The following ACTN4 variants were observed in gnomAD, a reference collection of about 807,000 sequenced individuals.
ACTN4 encodes the protein alpha-actinin-4.
Under a neutral mutation model 114.2 loss-of-function variants are expected in ACTN4, and 18 were observed. The observed-to-expected ratio is 0.16, with a 90% CI of 0.11 to 0.23. ACTN4 has a LOEUF of 0.23. ACTN4 is among the 10% of genes least tolerant of loss of function. ACTN4 has a pLI of 1.00. For synonymous variants in ACTN4, 515 were observed against 506.3 expected (o/e 1.02, Z -0.23); for missense variants, 722 against 1,262.9 (o/e 0.57, Z 6.49).
intron 19 of ACTN4, 89 bp downstream of exon 19, chr19:38,728,115 C>G: frequency 6.8e-7 from 1 of 1,475,544 alleles, no homozygotes; most frequent in Non-Finnish European, 9.3e-7. Flanking sequence ...CATCCCACCC[C>G]TGCCATCCTG....
At position 38,701,525 on chromosome 19, in the gene ACTN4, C is replaced by T. The variant is rs184684818; in HGVS notation, c.397+404C>T. ...AACACCTTTCTCATTATGCCCTGCC[C>T]GGTATCAGAGAAGGACTGGAGGCCC... On this transcript the variant is annotated intron_variant, in intron 3 of 20. Coordinates refer to ENST00000252699, the MANE Select transcript of ACTN4 (RefSeq NM_004924.6). Among the ~76,000 whole-genome samples the T allele has an allele frequency of 1.2e-3, 183 of 152,328 alleles. 1 individual carries two copies. Among genetic ancestry groups the T allele is most frequent in the African/African-American group, 4.2e-3 (174 of 41,570 alleles).
intron 6 of ACTN4, among the ~76,000 whole-genome samples, chr19:38,709,007 C>T (rs932780439): frequency 9.9e-5 from 15 of 152,120 alleles, no homozygotes; most frequent in African/African-American, 3.6e-4. Context: ...TGGGACCTCT[C>T]GGTTTGCTCC....
intron 1 of ACTN4, among the ~76,000 whole-genome samples, chr19:38,686,101 G>A (rs374791753): frequency 2.6e-5 from 4 of 152,158 alleles, no homozygotes; most frequent in Non-Finnish European, 5.9e-5. Flanking sequence ...GGGAATTCCC[G>A]GGGTCCCACT....
chr19:38,661,105 C>T (rs982731071), intron 1 of ACTN4, among the ~76,000 whole-genome samples: 2 of 152,174 alleles, frequency 1.3e-5, no homozygotes, highest in African/African-American at 4.8e-5. Flanking sequence ...TGGGCACAGC[C>T]AGATTGCTTA....
intron 1 of ACTN4, among the ~76,000 whole-genome samples, chr19:38,678,236 C>T (rs1599787196): frequency 1.3e-5 from 2 of 152,308 alleles, no homozygotes; most frequent in South Asian, 4.1e-4. Context: ...GTGGCTAAAA[C>T]GCTGTAGACC....
intron 1 of ACTN4, among the ~76,000 whole-genome samples, chr19:38,693,871 C>T (rs1316857949): frequency 2.6e-5 from 4 of 152,232 alleles, no homozygotes; most frequent in African/African-American, 9.6e-5. Flanking sequence ...GGCCTTGGCA[C>T]ACGGAGGGGT....
intron 1 of ACTN4, among the ~76,000 whole-genome samples, chr19:38,651,650 G>A (rs1415018879): frequency 6.6e-6 from 1 of 152,042 alleles, no homozygotes; most frequent in African/African-American, 2.4e-5. Flanking sequence ...ACGGAGTTTT[G>A]CTCTTGTTGC....
chr19:38,728,336 C>G, intron 19 of ACTN4: 1 of 1,480,406 alleles, frequency 6.8e-7, no homozygotes, highest in Non-Finnish European at 9.1e-7. Flanking sequence ...GCAGCATGGA[C>G]TCCGATGACT....
At chr19:38,692,733 G>A (rs1967970486) in intron 1 of ACTN4, among the ~76,000 whole-genome samples, 1 of 152,186 alleles carries the variant, frequency 6.6e-6, no homozygotes, top group African/African-American at 2.4e-5. Flanking sequence ...GCCTACCCAG[G>A]TGATAAGCCT....
intron 1 of ACTN4, among the ~76,000 whole-genome samples, chr19:38,659,928 T>TA (rs1976830704): frequency 6.6e-6 from 1 of 151,082 alleles, no homozygotes; most frequent in Non-Finnish European, 1.5e-5. Context: ...GATCTTTTTT[T>TA]TTTTTTTTTG....
At chr19:38,710,407 C>T in intron 8 of ACTN4, 65 bp downstream of exon 8, 2 of 1,523,390 alleles carry the variant, frequency 1.3e-6, no homozygotes, top group East Asian at 2.2e-5. Context: ...TGCCTCTCGC[C>T]TCCCGTGCTC....
At position 38,682,675 on chromosome 19, in the gene ACTN4, C is replaced by G. The variant is rs572741703; in HGVS notation, c.163-17925C>G. On this transcript the variant is annotated intron_variant, in intron 1 of 20. Transcript: ENST00000252699. ...GCGAAATCTGGCTGTGCTCCTCCCC[C>G]ATGAGGCCCTCCAAAGGCTTCCTCT... Among the ~76,000 whole-genome samples, 19 of 152,332 alleles carry G rather than the reference C, an allele frequency of 1.2e-4. No individual in the cohort carries two copies. In the South Asian group the frequency reaches 3.3e-3, roughly 27 times the overall value.
intron 12 of ACTN4, among the ~76,000 whole-genome samples, chr19:38,722,172 C>T (rs1391202251): frequency 1.3e-5 from 2 of 152,180 alleles, no homozygotes; most frequent in Non-Finnish European, 2.9e-5. Context: ...TTCCCCTCCC[C>T]ACCCAGTCAG....
At chr19:38,660,752 A>G (rs1288871626) in intron 1 of ACTN4, among the ~76,000 whole-genome samples, 10 of 152,278 alleles carry the variant, frequency 6.6e-5, no homozygotes, top group Admixed American at 6.5e-4. Context: ...ACATGCAGAA[A>G]TGGATCCATG....
chr19:38,679,369 C>T lies in ACTN4; in HGVS notation c.163-21231C>T, dbSNP rs552876121. ...GGAGCTGGGGATACAGGTGCTGGTC[C>T]CCACCTCACTCCCCTCAACCTCTGC... On this transcript the variant is annotated intron_variant, in intron 1 of 20. Coordinates refer to ENST00000252699, the MANE Select transcript of ACTN4 (RefSeq NM_004924.6). Among the ~76,000 whole-genome samples the T allele has an allele frequency of 4.6e-5, 7 of 152,248 alleles. No homozygotes were observed. In the South Asian group the frequency reaches 1.4e-3, roughly 32 times the overall value.
chr19:38,657,622 G>A (rs994658240), intron 1 of ACTN4, among the ~76,000 whole-genome samples: 1 of 152,240 alleles, frequency 6.6e-6, no homozygotes, highest in Admixed American at 6.6e-5. Flanking sequence ...AAGTGAAATA[G>A]ATGCATTTCT....
At chr19:38,696,454 C>T (rs1271073076) in intron 1 of ACTN4, among the ~76,000 whole-genome samples, 2 of 152,116 alleles carry the variant, frequency 1.3e-5, no homozygotes, top group Admixed American at 6.6e-5. Context: ...CCATCCACCC[C>T]ACGCAGCGTA....
At chr19:38,672,603 C>T (rs1319656048) in intron 1 of ACTN4, among the ~76,000 whole-genome samples, 3 of 151,216 alleles carry the variant, frequency 2.0e-5, no homozygotes, top group Non-Finnish European at 4.4e-5. Context: ...GATGGAGTTT[C>T]GCTCTTGTTG....
chr19:38,660,627 C>T (rs1327861068), intron 1 of ACTN4, among the ~76,000 whole-genome samples: 5 of 152,088 alleles, frequency 3.3e-5, no homozygotes, highest in African/African-American at 1.2e-4. Context: ...AACTCCCAAC[C>T]TCAGGTGACC....
Sources: gnomAD v4.1 joint callset for allele counts (sites outside exome capture counted in the v4.1 genomes callset) on GRCh38, gnomAD v4.1.1 for gene constraint, MANE v1.5 for transcripts, NCBI Gene and HGNC (gene_info 2026-07-23, HGNC 2026-07-21) for gene names.